The following SPON1 variants were observed in gnomAD, a reference collection of about 807,000 sequenced individuals.
SPON1 encodes the protein spondin-1.
In SPON1, 52 loss-of-function variants were observed where a neutral mutation model predicts 111.7. That is an observed-to-expected ratio of 0.47 (90% CI 0.37 to 0.59). The LOEUF is 0.59. SPON1 is among the 20% of genes least tolerant of loss of function. The pLI, the probability that SPON1 is intolerant of heterozygous loss-of-function variation, is 0.00. For synonymous variants in SPON1, 410 were observed against 395.8 expected (o/e 1.04, Z -0.43); for missense variants, 957 against 1,068.5 (o/e 0.90, Z 1.46).
chr11:14,222,972 C>G (rs556962434), intron 6 of SPON1, among the ~76,000 whole-genome samples: 1 of 152,272 alleles, frequency 6.6e-6, no homozygotes, highest in East Asian at 1.9e-4. Flanking sequence ...CAAACTACAC[C>G]CAAGAAACAG....
At chr11:14,204,620 C>T (rs1404151753) in intron 6 of SPON1, among the ~76,000 whole-genome samples, 2 of 151,360 alleles carry the variant, frequency 1.3e-5, no homozygotes, top group Non-Finnish European at 2.9e-5. Context: ...AGTCTTGAGG[C>T]TTAAAAACAA....
At chr11:14,105,621 C>A (rs1440284428) in intron 5 of SPON1, among the ~76,000 whole-genome samples, 1 of 151,284 alleles carries the variant, frequency 6.6e-6, no homozygotes, top group Non-Finnish European at 1.5e-5. Context: ...CATCTTTCTT[C>A]TCTCGTGCCT....
chr11:14,207,260 T>C (rs1361594810), intron 6 of SPON1, among the ~76,000 whole-genome samples: 3 of 152,022 alleles, frequency 2.0e-5, no homozygotes, highest in African/African-American at 7.2e-5. Flanking sequence ...GACTTAAATG[T>C]AAAGCCCAAA....
intron 3 of SPON1, among the ~76,000 whole-genome samples, chr11:14,066,768 G>T (rs1848835652): frequency 6.6e-6 from 1 of 152,112 alleles, no homozygotes; most frequent in Non-Finnish European, 1.5e-5. Context: ...CCAGCACAGG[G>T]ACCCTCTGGT....
chr11:14,131,803 C>A (rs1847532931), intron 5 of SPON1, among the ~76,000 whole-genome samples: 2 of 152,160 alleles, frequency 1.3e-5, no homozygotes, highest in Admixed American at 1.3e-4. Flanking sequence ...TTCTTCCCTG[C>A]ACCATTTTGC....
chr11:13,971,607 C>A lies in SPON1; in HGVS notation c.238+8465C>A, dbSNP rs541885402. 9.9e-5 allele frequency among the ~76,000 whole-genome samples: 15 copies of A among 152,190 alleles called. No individual in the cohort carries two copies. In the South Asian group the frequency reaches 3.1e-3, roughly 32 times the overall value. ...TTCCAGGAATCTTATATTCTTCTTT[C>A]TTTTTTCACTCTTTTAAAGGAAAAT... On this transcript the variant is annotated intron_variant, in intron 1 of 15. Coordinates refer to ENST00000576479, the MANE Select transcript of SPON1 (RefSeq NM_006108.4).
intron 6 of SPON1, among the ~76,000 whole-genome samples, chr11:14,189,316 C>T (rs1351321775): frequency 2.0e-5 from 3 of 152,190 alleles, no homozygotes; most frequent in African/African-American, 7.2e-5. Context: ...TTCTTTTCTT[C>T]GATTCATCAC....
intron 6 of SPON1, among the ~76,000 whole-genome samples, chr11:14,212,981 T>C (rs1228800834): frequency 2.0e-5 from 3 of 152,194 alleles, no homozygotes; most frequent in African/African-American, 7.2e-5. Flanking sequence ...GTAGTCCTTA[T>C]ATTCATAGTC....
rs1848886957 is a variant in SPON1, at chr11:14,072,760, C to T, written c.480-2585C>T. 1.3e-5 allele frequency among the ~76,000 whole-genome samples: 2 copies of T among 152,170 alleles called. 1 individual carries two copies. The highest frequency in any genetic ancestry group is 1.3e-4 in the Admixed American group (2 of 15,274). On this transcript the variant is annotated intron_variant, in intron 3 of 15. Coordinates refer to ENST00000576479, the MANE Select transcript of SPON1 (RefSeq NM_006108.4). The stretch of plus-strand genomic sequence containing the variant: ...AAACAAAACTTGATTTGCATGGGAG[C>T]TCTGTCCACTGCAGCCACACACCAA...
chr11:13,987,077 C>T (rs144488316), intron 2 of SPON1, among the ~76,000 whole-genome samples: 28 of 152,122 alleles, frequency 1.8e-4, no homozygotes, highest in African/African-American at 6.3e-4. Context: ...GGATGTATAC[C>T]CAGTAATGGG....
intron 6 of SPON1, among the ~76,000 whole-genome samples, chr11:14,215,382 G>A (rs781790867): frequency 6.6e-6 from 1 of 152,182 alleles, no homozygotes; most frequent in East Asian, 1.9e-4. Context: ...AAATGGGCTG[G>A]TGTAAAGGGT....
At chr11:14,084,191 C>G (rs570252935) in intron 5 of SPON1, among the ~76,000 whole-genome samples, 43 of 151,534 alleles carry the variant, frequency 2.8e-4, no homozygotes, top group Admixed American at 2.8e-3. Context: ...AGGTTTGTTA[C>G]GTAGGTATAC....
chr11:14,115,153 T>G (rs1849257668), intron 5 of SPON1, among the ~76,000 whole-genome samples: 1 of 152,134 alleles, frequency 6.6e-6, no homozygotes, highest in Non-Finnish European at 1.5e-5. Flanking sequence ...AGAAGGAAAC[T>G]TTCAGTTTTC....
intron 6 of SPON1, among the ~76,000 whole-genome samples, chr11:14,232,531 C>T (rs1339145440): frequency 6.6e-6 from 1 of 152,178 alleles, no homozygotes; most frequent in African/African-American, 2.4e-5. Context: ...CTGTCCTCTG[C>T]TTCCCTTTTC....
intron 6 of SPON1, among the ~76,000 whole-genome samples, chr11:14,164,743 C>T (rs782804477): frequency 6.6e-6 from 1 of 152,082 alleles, no homozygotes; most frequent in Non-Finnish European, 1.5e-5. Context: ...ATCAGCCTCC[C>T]CTAGCAGTCA....
chr11:14,038,468 C>CA (rs1351225443), intron 2 of SPON1, among the ~76,000 whole-genome samples: 8 of 151,478 alleles, frequency 5.3e-5, no homozygotes, highest in African/African-American at 1.2e-4. Flanking sequence ...GACTCCATCT[C>CA]AAAAAAACAA....
Position 13,968,485 on chromosome 11 carries a change from A to C in SPON1, c.238+5343A>C, listed in dbSNP as rs549451475. Among the ~76,000 whole-genome samples the C allele has an allele frequency of 2.6e-5, 4 of 152,370 alleles. No homozygotes were observed. The East Asian group carries it at 7.7e-4, about 29-fold the overall frequency. Reference sequence around the variant, plus strand: ...TGACTGTTGAAAATTTAGTATACAAAGAGTAAACTCATTAATTGTGTATTA... The same window carrying C: ...TGACTGTTGAAAATTTAGTATACAACGAGTAAACTCATTAATTGTGTATTA... On this transcript the variant is annotated intron_variant, in intron 1 of 15. Transcript: ENST00000576479.
chr11:14,148,400 C>T (rs1847748696), intron 6 of SPON1, among the ~76,000 whole-genome samples: 1 of 151,910 alleles, frequency 6.6e-6, no homozygotes, highest in Admixed American at 6.6e-5. Context: ...CACTGTATTC[C>T]CTTTGGTGCC....
intron 6 of SPON1, among the ~76,000 whole-genome samples, chr11:14,186,463 T>TTGG (rs1848286867): frequency 6.6e-6 from 1 of 152,168 alleles, no homozygotes; most frequent in Admixed American, 6.5e-5. Flanking sequence ...ATGCTAGGGA[T>TTGG]TGGAGTGTTC....
Sources: allele counts gnomAD v4.1 joint callset (sites outside exome capture counted in the v4.1 genomes callset), GRCh38; gene constraint gnomAD v4.1.1; transcripts MANE v1.5; gene names NCBI Gene and HGNC (gene_info 2026-07-23, HGNC 2026-07-21).